Variants in DDX50 observed in about 807,000 individuals in gnomAD.
DDX50 encodes the protein DExD-box helicase 50, also known as ATP-dependent RNA helicase DDX50.
DDX50 carries 56 observed loss-of-function variants against 94.8 expected under a neutral mutation model. The ratio of observed to expected loss-of-function variants is 0.59; its 90% CI spans 0.48 to 0.74. DDX50 has a LOEUF of 0.74. Ranked by LOEUF, DDX50 falls within the 30% of genes least tolerant of loss-of-function variation. The probability of loss-of-function intolerance (pLI) is 0.00; values close to 1 mark genes in which losing one functional copy is unlikely to be tolerated. For missense variants in DDX50, 713 were observed against 881.2 expected, an observed-to-expected ratio of 0.81 and a Z score of 2.42; for synonymous variants, 264 against 295.4, an observed-to-expected ratio of 0.89 and a Z score of 1.09.
At chr10:68,927,031 G>C (rs1280198122) in intron 8 of DDX50, among the ~76,000 whole-genome samples, 1 of 151,982 alleles carries the variant, frequency 6.6e-6, no homozygotes, top group Non-Finnish European at 1.5e-5. Flanking sequence ...TCCCACCTCA[G>C]CCTCCCAACC....
chr10:68,929,194 A>T (rs1271706075), intron 8 of DDX50, among the ~76,000 whole-genome samples: 1 of 151,188 alleles, frequency 6.6e-6, no homozygotes, highest in African/African-American at 2.4e-5. Flanking sequence ...CGGTCCACCC[A>T]CCTCCGTCTC....
At chr10:68,918,275 A>G (rs111771020) in intron 7 of DDX50, among the ~76,000 whole-genome samples, 6,577 of 152,096 alleles carry the variant, frequency 0.043, 464 homozygotes, top group African/African-American at 0.15. Flanking sequence ...AAATTGAGGT[A>G]AAATTCACAT....
intron 7 of DDX50, among the ~76,000 whole-genome samples, chr10:68,917,106 G>A (rs759546911): frequency 2.7e-4 from 41 of 151,878 alleles, no homozygotes; most frequent in Admixed American, 8.5e-4. Context: ...ATTGATATGC[G>A]TCTTAAACAT....
chr10:68,925,448 G>A (rs188574890), intron 8 of DDX50, among the ~76,000 whole-genome samples: 1 of 152,244 alleles, frequency 6.6e-6, no homozygotes, highest in East Asian at 1.9e-4. Flanking sequence ...CATTTTGTCA[G>A]TTATTTGTTA....
chr10:68,931,527 G>A (rs186969972), intron 8 of DDX50, among the ~76,000 whole-genome samples: 432 of 149,786 alleles, frequency 2.9e-3, no homozygotes, highest in African/African-American at 0.01. Flanking sequence ...TGCAACCTCT[G>A]CCTCCCGGTT....
chr10:68,903,485 G>T (rs1841350242), intron 1 of DDX50, among the ~76,000 whole-genome samples: 1 of 151,228 alleles, frequency 6.6e-6, no homozygotes, highest in Admixed American at 6.6e-5. Flanking sequence ...GGCCAACATG[G>T]TGAAACACCA....
intron 7 of DDX50, among the ~76,000 whole-genome samples, chr10:68,918,747 TC>T (rs1407732974): frequency 6.6e-6 from 1 of 152,182 alleles, no homozygotes; most frequent in African/African-American, 2.4e-5. Context: ...CCTTTCTTTA[TC>T]CGCTGTCAAC....
intron 12 of DDX50, among the ~76,000 whole-genome samples, chr10:68,940,767 C>T (rs1373155026): frequency 6.6e-6 from 1 of 152,064 alleles, no homozygotes; most frequent in Non-Finnish European, 1.5e-5. Flanking sequence ...TTCCTTAATT[C>T]TTCACTACCT....
In DDX50 at chr10:68,904,608, G is replaced by T. The variant is rs115214604; in HGVS notation, c.88-2103G>T. Among the ~76,000 whole-genome samples the T allele has an allele frequency of 3.3e-3, 497 of 152,276 alleles. 8 individuals carry two copies. Among genetic ancestry groups the T allele is most frequent in the African/African-American group, 0.012 (484 of 41,558 alleles). On this transcript the variant is annotated intron_variant, in intron 1 of 14. Coordinates refer to ENST00000373585, the MANE Select transcript of DDX50 (RefSeq NM_024045.2). Reference sequence around the variant, plus strand: ...AAAGTGTAACTGAAACCAAGTAGACGGAGAGTGCCAAGCATTGTGGGTCTA... The same window carrying T: ...AAAGTGTAACTGAAACCAAGTAGACTGAGAGTGCCAAGCATTGTGGGTCTA...
chr10:68,943,353 G>A, intron 14 of DDX50, 96 bp downstream of exon 14: 1 of 979,388 alleles, frequency 1.0e-6, no homozygotes, highest in Non-Finnish European at 1.5e-6. Context: ...TCATTATCAT[G>A]CCTAAATCAA....
At chr10:68,928,693 C>T (rs1254737674) in intron 8 of DDX50, among the ~76,000 whole-genome samples, 3 of 152,118 alleles carry the variant, frequency 2.0e-5, no homozygotes, top group African/African-American at 4.8e-5. Context: ...CTGGGATCTG[C>T]CTCAAGAATA....
At chr10:68,939,790 G>T (rs1021931426) in intron 12 of DDX50, among the ~76,000 whole-genome samples, 1 of 151,868 alleles carries the variant, frequency 6.6e-6, no homozygotes, top group Non-Finnish European at 1.5e-5. Flanking sequence ...ATTCCTGTTC[G>T]TGACGCTTAT....
intron 1 of DDX50, among the ~76,000 whole-genome samples, chr10:68,905,937 A>G (rs1231502710): frequency 6.6e-6 from 1 of 152,174 alleles, no homozygotes; most frequent in African/African-American, 2.4e-5. Context: ...AATTAAATAA[A>G]ATGGCAAAGG....
At chr10:68,943,506 C>A (rs1842597918) in intron 14 of DDX50, among the ~76,000 whole-genome samples, 1 of 152,194 alleles carries the variant, frequency 6.6e-6, no homozygotes, top group Non-Finnish European at 1.5e-5. Flanking sequence ...AAGTGATCCT[C>A]CCACCTCAGA....
chr10:68,903,560 G>A (rs1446916099), intron 1 of DDX50, among the ~76,000 whole-genome samples: 3 of 151,970 alleles, frequency 2.0e-5, no homozygotes, highest in Non-Finnish European at 4.4e-5. Flanking sequence ...CGGCATTTTT[G>A]GAGGCTGAGG....
chr10:68,929,291 T>C (rs1255587303), intron 8 of DDX50, among the ~76,000 whole-genome samples: 1 of 75,762 alleles, frequency 1.3e-5, no homozygotes, highest in South Asian at 3.7e-4. Flanking sequence ...CTTCCTTCCT[T>C]CCTCTCTCTC....
Position 68,913,253 on chromosome 10 carries a change from A to T in DDX50, c.731A>T (p.Tyr244Phe). The part of the protein sequence containing the change: ...ITRKLSVACF[Y>F]GGTSYQSQIN... ...AGGAAACTCAGCGTGGCGTGTTTTT[A>T]TGGTGGAACATCATATCAAAGCCAA... is the stretch of plus-strand genomic sequence containing the variant. The change falls in exon 5 of 15, where the codon TAT becomes TTT. Residue 244 changes from tyrosine to phenylalanine, a missense_variant. By Grantham distance (22) the Tyr-to-Phe change is conservative. This residue lies in a region of DDX50 where 285 missense variants were observed against 278.9 expected (regional missense o/e 1.02). Transcript: ENST00000373585. 1.2e-6 allele frequency: 2 copies of T among 1,613,114 alleles called. No homozygotes were observed. Among genetic ancestry groups the T allele is most frequent in the Non-Finnish European group, 1.7e-6 (2 of 1,179,778 alleles).
chr10:68,925,915 G>A (rs1842070076), intron 8 of DDX50, among the ~76,000 whole-genome samples: 1 of 150,896 alleles, frequency 6.6e-6, no homozygotes, highest in South Asian at 2.1e-4. Flanking sequence ...GTGGGAGGCC[G>A]AGGCACGAGA....
In DDX50 at chr10:68,910,316, C is replaced by A. The variant is rs148713144; in HGVS notation, c.394C>A (p.Arg132Ser). ...SDNKLEETLT[R>S]EQKEGAFSNF... Reference sequence around the variant, plus strand: ...GATTTCATTTTTACAGACCTTAACACGTGAACAGAAAGAAGGAGCCTTCTC... The same window carrying A: ...GATTTCATTTTTACAGACCTTAACAAGTGAACAGAAAGAAGGAGCCTTCTC... The change falls in exon 3 of 15, where the codon CGT becomes AGT. Residue 132 changes from arginine (R) to serine (S), a missense_variant. Physicochemically the swap from Arg to Ser is moderately radical, Grantham distance 110 (BLOSUM62 -1). Around this residue, in one of 2 missense-constraint regions of DDX50, gnomAD observed 285 missense variants for 278.9 expected, o/e 1.02. Transcript: ENST00000373585. The A allele has an allele frequency of 6.2e-7, 1 of 1,606,358 alleles. No individual in the cohort carries two copies. Among genetic ancestry groups the A allele is most frequent in the South Asian group, 1.1e-5 (1 of 90,142 alleles).
Sources: allele counts gnomAD v4.1 joint callset (sites outside exome capture counted in the v4.1 genomes callset), GRCh38; gene constraint gnomAD v4.1.1; regional missense constraint gnomAD v4.1.1; transcripts MANE v1.5; gene names NCBI Gene and HGNC (gene_info 2026-07-23, HGNC 2026-07-21).